ZMYND10: variants seen among roughly 807,000 people sequenced by gnomAD.
The protein encoded by ZMYND10 is zinc finger MYND-type containing 10.
A neutral mutation model predicts 62.6 loss-of-function variants in ZMYND10; 52 were observed. The observed-to-expected ratio is 0.83, with a 90% confidence interval of 0.67 to 1.05. ZMYND10 has a LOEUF of 1.05. Ranked by LOEUF, ZMYND10 falls within the 50% of genes least tolerant of loss-of-function variation. ZMYND10 has a pLI of 0.00. For synonymous variants in ZMYND10, 197 were observed against 218.5 expected (o/e 0.90, Z 0.87); for missense variants, 438 against 543.3 (o/e 0.81, Z 1.93).
rs1703507959 is a variant in ZMYND10, at chr3:50,345,254, T to C, written c.93-22A>G. 1.2e-6 allele frequency: 2 copies of C among 1,609,722 alleles called. No individual in the cohort carries two copies. The highest frequency in any genetic ancestry group is 1.7e-6 in the Non-Finnish European group (2 of 1,177,764). On this transcript the variant is annotated intron_variant, in intron 1 of 11. Transcript: ENST00000231749. The surrounding 1 kb of genome is among the most constrained non-coding windows in gnomAD (Gnocchi z 5.0). Reference sequence around the variant, plus strand: ...CCACCTGCCTCAGAGGGTAAGTGCATGTGCGTCCACGTGTGTGCATTAGGA... The same window carrying C: ...CCACCTGCCTCAGAGGGTAAGTGCACGTGCGTCCACGTGTGTGCATTAGGA...
chr3:50,345,447 G>A lies in ZMYND10; in HGVS notation c.92+41C>T. 1.3e-6 allele frequency: 2 copies of A among 1,557,720 alleles called. No individual in the cohort carries two copies. Among genetic ancestry groups the A allele is most frequent in the Non-Finnish European group, 1.7e-6 (2 of 1,150,072 alleles). On this transcript the variant is annotated intron_variant, in intron 1 of 11. Coordinates refer to ENST00000231749, the MANE Select transcript of ZMYND10 (RefSeq NM_015896.4). The surrounding 1 kb of genome is among the most constrained non-coding windows in gnomAD (Gnocchi z 5.0). ...GTCAGGCCCCAGCTCCCCGACTCAA[G>A]GACAATGACTCCGGGACTCCGCCTG...
In ZMYND10 at chr3:50,345,362, C is replaced by T. The variant is rs1402857251; in HGVS notation, c.92+126G>A. ...GGCTCAGGAGCAGTAATACTCCTGT[C>T]TCGGAACGCTCTGCTCCCCCATTTG... On this transcript the variant is annotated intron_variant, in intron 1 of 11. Transcript: ENST00000231749. This position sits in a 1 kb window ranked among gnomAD's most constrained non-coding sequence, Gnocchi z 5.0. 6.7e-6 allele frequency: 10 copies of T among 1,495,758 alleles called. No individual in the cohort carries two copies. In the East Asian group the frequency reaches 2.0e-4, roughly 30 times the overall value. 92.7% of individuals were successfully genotyped at this position (1,495,758 alleles called of 1,614,324 possible).
chr3:50,342,163 C>T, intron 8 of ZMYND10, 23 bp from the exon 9 acceptor site: 14 of 1,602,616 alleles, frequency 8.7e-6, no homozygotes, highest in Non-Finnish European at 1.2e-5. Context: ...CCAGTGGAGG[C>T]CAGTGTGATG....
chr3:50,343,345 G>A lies in ZMYND10; in HGVS notation c.472C>T (p.Pro158Ser), dbSNP rs750578944. The A allele has an allele frequency of 9.9e-6, 16 of 1,613,050 alleles. No homozygotes were observed. Among genetic ancestry groups the A allele is most frequent in the African/African-American group, 2.7e-5 (2 of 75,032 alleles). The change falls in exon 5 of 12, where the codon CCT (proline) becomes TCT (serine). Residue 158 changes from proline (P) to serine (S), a missense_variant. Coordinates refer to ENST00000231749, the MANE Select transcript of ZMYND10 (RefSeq NM_015896.4). ...CTGTCCTGGGATCCCTCCCCCTCAG[G>A]GGGGCCACCACAGCCACTCTGGGCC... is the stretch of plus-strand genomic sequence containing the variant. ...LVAQSGCGGPPEGEGSQDSNP... is the reference protein window; with the variant it reads ...LVAQSGCGGPSEGEGSQDSNP...
Position 50,345,245 on chromosome 3 carries a change from G to A in ZMYND10, c.93-13C>T, listed in dbSNP as rs1235236565. On this transcript the variant is annotated splice_polypyrimidine_tract_variant and intron_variant, in intron 1 of 11. Coordinates refer to ENST00000231749, the MANE Select transcript of ZMYND10 (RefSeq NM_015896.4). The surrounding 1 kb of genome is among the most constrained non-coding windows in gnomAD (Gnocchi z 5.0). ...CTGCTGGTTCCACCTGCCTCAGAGG[G>A]TAAGTGCATGTGCGTCCACGTGTGT... 6 of 1,611,616 alleles carry A rather than the reference G, an allele frequency of 3.7e-6. No individual in the cohort carries two copies. Among genetic ancestry groups the A allele is most frequent in the Non-Finnish European group, 5.1e-6 (6 of 1,178,874 alleles).
At chr3:50,342,298 TTGA>T (rs1703405252) in intron 8 of ZMYND10, 96 bp downstream of exon 8, 1 of 1,560,968 alleles carries the variant, frequency 6.4e-7, no homozygotes, top group Non-Finnish European at 8.7e-7. Context: ...AGCACTGGGG[TTGA>T]GGTGGGTGGG....
At position 50,343,127 on chromosome 3, in the gene ZMYND10, C is replaced by T. The variant is rs1311604156; in HGVS notation, c.590G>A (p.Cys197Tyr). The change falls in exon 6 of 12, where the codon TGT (cysteine) becomes TAT (tyrosine). Residue 197 changes from cysteine to tyrosine, a missense_variant. Cys to Tyr is a radical substitution (Grantham distance 194). Transcript: ENST00000231749. ...CAGTCGGACTGCTCACCTGTCCACA[C>T]AGTCTGTGATGTAGCGTAGTACTGA... ...ALSVLRYITDCVDSLSLSTLS... is the reference protein window; with the variant it reads ...ALSVLRYITDYVDSLSLSTLS... 3.1e-6 allele frequency: 5 copies of T among 1,614,124 alleles called. No individual in the cohort carries two copies. Among genetic ancestry groups the T allele is most frequent in the Non-Finnish European group, 4.2e-6 (5 of 1,180,040 alleles).
In ZMYND10 at chr3:50,345,389, G is replaced by A; in HGVS notation, c.92+99C>T. On this transcript the variant is annotated intron_variant, in intron 1 of 11. Coordinates refer to ENST00000231749, the MANE Select transcript of ZMYND10 (RefSeq NM_015896.4). This position sits in a 1 kb window ranked among gnomAD's most constrained non-coding sequence, Gnocchi z 5.0. ...CGGAACGCTCTGCTCCCCCATTTGG[G>A]AGCCCCTCCACACTGGGCAGCCCCT... 1 of 1,518,500 alleles carries A rather than the reference G, an allele frequency of 6.6e-7. No homozygotes were observed. The highest frequency in any genetic ancestry group is 8.9e-7 in the Non-Finnish European group (1 of 1,124,216). The allele number at this position is 1,518,500 out of a possible 1,614,324, so 94.1% of individuals were successfully genotyped here.
In ZMYND10 at chr3:50,342,589, C is replaced by A; in HGVS notation, c.701-20G>T. 1 of 1,605,682 alleles carries A rather than the reference C, an allele frequency of 6.2e-7. No homozygotes were observed. The highest frequency in any genetic ancestry group is 1.1e-5 in the South Asian group (1 of 90,212). ...GCTTGCCTGGGGAGAGGAACCAGCA[C>A]ACTGGGTGCAGACGTTGAATTCTCT... On this transcript the variant is annotated intron_variant, in intron 7 of 11. Coordinates refer to ENST00000231749, the MANE Select transcript of ZMYND10 (RefSeq NM_015896.4).
rs1338717431 is a variant in ZMYND10 at position 50,342,402 on chromosome 3, G to A, written c.868C>T (p.Leu290Phe). The A allele has an allele frequency of 6.3e-7, 1 of 1,576,128 alleles. No homozygotes were observed. Residue 290 changes from leucine (L) to phenylalanine (F), a missense_variant, in exon 8 of 12, where the codon CTC becomes TTC. Leu to Phe is a conservative substitution (Grantham distance 22). Coordinates refer to ENST00000231749, the MANE Select transcript of ZMYND10 (RefSeq NM_015896.4). ...CLTSFAKGRL[L>F]KLRAFLTDTL... ...TGGTGCGGAGGGAGTCTGACCTTGA[G>A]TAGCCGTCCCTTGGCAAAACTTGTG...
In ZMYND10 at chr3:50,343,205, T is replaced by A. The variant is rs1703443381; in HGVS notation, c.512A>T (p.Glu171Val). Residue 171 changes from glutamate to valine, a missense_variant and splice_region_variant, in exon 6 of 12, where the codon GAG becomes GTG. Physicochemically the swap from Glu to Val is moderately radical, Grantham distance 121. Transcript: ENST00000231749. ...EGSQDSNPMQ[E>V]LQKQAELMEF... is the part of the protein sequence containing the mutation. Reference sequence around the variant, plus strand: ...CATCAGCTCTGCCTGCTTCTGCAGCTCCTGGGAGGTCACACAGTGTTCACG... The same window carrying A: ...CATCAGCTCTGCCTGCTTCTGCAGCACCTGGGAGGTCACACAGTGTTCACG... 2 of 1,614,070 alleles carry A rather than the reference T, an allele frequency of 1.2e-6. No individual in the cohort carries two copies. Among genetic ancestry groups the A allele is most frequent in the South Asian group, 1.1e-5 (1 of 91,090 alleles).
rs750165782 is a variant in ZMYND10, at chr3:50,345,157, C to T, written c.168G>A (p.Glu56=). The T allele has an allele frequency of 1.2e-6, 2 of 1,614,030 alleles. No individual in the cohort carries two copies. The highest frequency in any genetic ancestry group is 3.3e-5 in the Admixed American group (2 of 60,026). Residue 56 remains glutamate, a synonymous_variant, in exon 2 of 12, where the codon GAG becomes GAA. Coordinates refer to ENST00000231749, the MANE Select transcript of ZMYND10 (RefSeq NM_015896.4). The surrounding 1 kb of genome is among the most constrained non-coding windows in gnomAD (Gnocchi z 5.0). ...AILDATVSQG[E]PIQELLVTHG... ...GGGTGACCAGCAGCTCCTGAATGGG[C>T]TCGCCCTGGCTGACTGTGGCATCGA...
At chr3:50,344,585 C>G (rs1257050323) in intron 2 of ZMYND10, among the ~76,000 whole-genome samples, 5 of 149,190 alleles carry the variant, frequency 3.4e-5, no homozygotes, top group African/African-American at 1.2e-4. Context: ...TCCCAAAATG[C>G]TGGGATAACA....
Position 50,345,094 on chromosome 3 carries a change from G to C in ZMYND10, c.201+30C>G. ...TAGAGTAGGTGAGGTATGGGGGAAGGCAGGAACCCTGCCTGTGACCTCGGG... is the reference window on the plus strand; with the variant it reads ...TAGAGTAGGTGAGGTATGGGGGAAGCCAGGAACCCTGCCTGTGACCTCGGG... On this transcript the variant is annotated intron_variant, in intron 2 of 11. Transcript: ENST00000231749. The surrounding 1 kb of genome is among the most constrained non-coding windows in gnomAD (Gnocchi z 5.0). 6.2e-7 allele frequency: 1 copy of C among 1,603,114 alleles called. No individual in the cohort carries two copies. Among genetic ancestry groups the C allele is most frequent in the Non-Finnish European group, 8.5e-7 (1 of 1,172,480 alleles).
intron 3 of ZMYND10, 35 bp from the exon 4 acceptor site, chr3:50,343,651 G>A (rs1703454835): frequency 1.2e-6 from 2 of 1,613,968 alleles, no homozygotes; most frequent in Non-Finnish European, 1.7e-6. Context: ...GCCTGAGGAA[G>A]GGATAGGGGC....
chr3:50,344,893 T>C (rs1219376320), intron 2 of ZMYND10: 2 of 430,126 alleles, frequency 4.6e-6, no homozygotes, highest in African/African-American at 4.1e-5. Flanking sequence ...GCCTAAGCTG[T>C]TCTAGGACCT....
At position 50,345,595 on chromosome 3, in the gene ZMYND10, C is replaced by T. The variant is rs777793040; in HGVS notation, c.-16G>A. The T allele has an allele frequency of 3.2e-6, 5 of 1,572,350 alleles. No individual in the cohort carries two copies. Among genetic ancestry groups the T allele is most frequent in the South Asian group, 2.3e-5 (2 of 85,804 alleles). On this transcript the variant is annotated 5_prime_UTR_variant, in exon 1 of 12. Transcript: ENST00000231749. The surrounding 1 kb of genome is among the most constrained non-coding windows in gnomAD (Gnocchi z 5.0). ...GGTCTCCCATATCGAGGCCGGGGTC[C>T]GGCGGATCCTGGGCAGCAGCCGGGG...
rs913823356 is a variant in ZMYND10, at chr3:50,341,940, G to A, written c.1000-9C>T. 6.2e-7 allele frequency: 1 copy of A among 1,614,232 alleles called. No individual in the cohort carries two copies. ...TCCCAGATTTCTGGGATCTAGGAGA[G>A]AGAAGTGGAGAGTGGCAGGAAGGTG... On this transcript the variant is annotated splice_polypyrimidine_tract_variant and intron_variant, in intron 9 of 11. Coordinates refer to ENST00000231749, the MANE Select transcript of ZMYND10 (RefSeq NM_015896.4).
rs767209338 is a variant in ZMYND10 at position 50,341,715 on chromosome 3, G to A, written c.1122-16C>T. On this transcript the variant is annotated splice_polypyrimidine_tract_variant and intron_variant, in intron 10 of 11. Coordinates refer to ENST00000231749, the MANE Select transcript of ZMYND10 (RefSeq NM_015896.4). Reference sequence around the variant, plus strand: ...CTCAGCCCACCTGGGGGAAAGTCAGGAAGGTCTGACTGGCCCTGGAAGGTG... The same window carrying A: ...CTCAGCCCACCTGGGGGAAAGTCAGAAAGGTCTGACTGGCCCTGGAAGGTG... 24 of 1,613,886 alleles carry A rather than the reference G, an allele frequency of 1.5e-5. No homozygotes were observed. The highest frequency in any genetic ancestry group is 1.9e-5 in the Non-Finnish European group (23 of 1,179,914).
Sources: allele counts gnomAD v4.1 joint callset (sites outside exome capture counted in the v4.1 genomes callset), GRCh38; gene constraint gnomAD v4.1.1; non-coding constraint Gnocchi (gnomAD v3.1); transcripts MANE v1.5; gene names NCBI Gene and HGNC (gene_info 2026-07-23, HGNC 2026-07-21).